EVC: variants seen among roughly 807,000 people sequenced by gnomAD.
EVC encodes evC complex member EVC.
Under a neutral mutation model 118.9 loss-of-function variants are expected in EVC, and 116 were observed. That is an observed-to-expected ratio of 0.98 (90% CI 0.84 to 1.14). The LOEUF (loss-of-function observed/expected upper bound fraction) is 1.14. EVC is among the 50% of genes most tolerant of loss of function. EVC has a pLI of 0.00. For synonymous variants in EVC, 619 were observed against 534.7 expected (o/e 1.16, Z -2.18); for missense variants, 1,401 against 1,246.4 (o/e 1.12, Z -1.87).
At chr4:5,777,899 A>C (rs1734950368) in intron 11 of EVC, among the ~76,000 whole-genome samples, 1 of 152,062 alleles carries the variant, frequency 6.6e-6, no homozygotes, top group Non-Finnish European at 1.5e-5. Context: ...CAGGTTAGTT[A>C]CGTATGGATA....
intron 15 of EVC, among the ~76,000 whole-genome samples, chr4:5,800,154 G>A (rs912258531): frequency 6.6e-6 from 1 of 152,156 alleles, no homozygotes; most frequent in Non-Finnish European, 1.5e-5. Flanking sequence ...AGACCAGCCT[G>A]GCCAACACAG....
At chr4:5,733,573 C>T (rs1016654528) in intron 5 of EVC, 138 bp downstream of exon 5, 42 of 826,572 alleles carry the variant, frequency 5.1e-5, no homozygotes, top group African/African-American at 2.2e-4. Flanking sequence ...TGGGGGAAAG[C>T]GGCGCTGTCA....
At chr4:5,723,234 G>C (rs1488737235) in intron 2 of EVC, among the ~76,000 whole-genome samples, 2 of 147,752 alleles carry the variant, frequency 1.4e-5, no homozygotes, top group African/African-American at 2.6e-5. Context: ...CTGTTGTCCA[G>C]TCTGGAGTGC....
chr4:5,737,839 A>G lies in EVC; in HGVS notation c.703-3877A>G, dbSNP rs538877564. ...TGTCATTTTCATGCCTGCTAACACA[A>G]CATTCATTCTGAGCCTATTGATTAA... On this transcript the variant is annotated intron_variant, in intron 5 of 20. Coordinates refer to ENST00000264956, the MANE Select transcript of EVC (RefSeq NM_153717.3). This position sits in a 1 kb window ranked among gnomAD's most constrained non-coding sequence, Gnocchi z 5.0. Among the ~76,000 whole-genome samples the G allele has an allele frequency of 6.6e-6, 1 of 152,216 alleles. No homozygotes were observed. The highest frequency in any genetic ancestry group is 2.4e-5 in the African/African-American group (1 of 41,460).
At chr4:5,827,071 C>T in the EVC span, among the ~76,000 whole-genome samples, 688 of 152,338 alleles carry the variant, frequency 4.5e-3, 3 homozygotes, top group Non-Finnish European at 6.7e-3. Context: ...CTCTCCTTCA[C>T]CTGGTCTAGC....
chr4:5,776,498 C>G (rs1734738084), intron 11 of EVC, among the ~76,000 whole-genome samples: 1 of 152,158 alleles, frequency 6.6e-6, no homozygotes, highest in Admixed American at 6.5e-5. Context: ...GATTTAACTT[C>G]TCTTTTACAT....
intron 1 of EVC, among the ~76,000 whole-genome samples, chr4:5,714,328 T>G (rs1723579885): frequency 6.6e-6 from 1 of 152,240 alleles, no homozygotes; most frequent in African/African-American, 2.4e-5. Context: ...CCTGTTTTAT[T>G]TACATCAAAG....
rs908489870 is a variant in EVC at position 5,738,496 on chromosome 4, C to G, written c.703-3220C>G. Among the ~76,000 whole-genome samples the G allele has an allele frequency of 1.3e-5, 2 of 152,058 alleles. No homozygotes were observed. Among genetic ancestry groups the G allele is most frequent in the African/African-American group, 4.8e-5 (2 of 41,418 alleles). On this transcript the variant is annotated intron_variant, in intron 5 of 20. Transcript: ENST00000264956. This position sits in a 1 kb window ranked among gnomAD's most constrained non-coding sequence, Gnocchi z 6.5. ...CTGATGTGGCCCACTTCAGAGTGGT[C>G]TTATTTTAAGAAACTGCCACAGCCA...
At chr4:5,744,968 G>GTT (rs112283154) in intron 6 of EVC, among the ~76,000 whole-genome samples, 12 of 139,904 alleles carry the variant, frequency 8.6e-5, no homozygotes, top group Non-Finnish European at 1.2e-4. Flanking sequence ...GTATGGTCTA[G>GTT]TTTTTTTTTT....
chr4:5,803,371 A>G (rs548041808), intron 16 of EVC, among the ~76,000 whole-genome samples: 1 of 152,310 alleles, frequency 6.6e-6, no homozygotes, highest in Admixed American at 6.5e-5. Flanking sequence ...GATTCAAATA[A>G]AATCGGGGCA....
intron 2 of EVC, among the ~76,000 whole-genome samples, chr4:5,725,448 T>G (rs907296081): frequency 3.9e-5 from 6 of 152,246 alleles, no homozygotes; most frequent in African/African-American, 1.4e-4. Flanking sequence ...TCATTGTGGT[T>G]TTGATTTGCA....
At chr4:5,730,909 CGTGGTGTG>C (rs55984709) in intron 3 of EVC, among the ~76,000 whole-genome samples, 22,464 of 135,984 alleles carry the variant, frequency 0.17, 1,933 homozygotes, top group African/African-American at 0.26. Flanking sequence ...CTCCTGTGGG[CGTGGTGTG>C]CATGGTGTGC....
rs2152035950 is a variant in EVC at position 5,746,672 on chromosome 4, T to A, written c.939+1331T>A. On this transcript the variant is annotated intron_variant, in intron 7 of 20. Transcript: ENST00000264956. This position sits in a 1 kb window ranked among gnomAD's most constrained non-coding sequence, Gnocchi z 5.8. ...CTGTGTGCAGTATCTTGTCCATGTCTGCCTTTCTCAGGGACAGGGTTCAGA... is the reference window on the plus strand; with the variant it reads ...CTGTGTGCAGTATCTTGTCCATGTCAGCCTTTCTCAGGGACAGGGTTCAGA... Among the ~76,000 whole-genome samples, 1 of 152,272 alleles carries A rather than the reference T, an allele frequency of 6.6e-6. No individual in the cohort carries two copies. Among genetic ancestry groups the A allele is most frequent in the Admixed American group, 6.5e-5 (1 of 15,302 alleles).
chr4:5,804,903 C>G, intron 17 of EVC, 62 bp downstream of exon 17: 1 of 1,416,204 alleles, frequency 7.1e-7, no homozygotes, highest in Non-Finnish European at 9.9e-7. Context: ...TGGCATATCT[C>G]TCTGTGGTGC....
At chr4:5,827,682 G>T in the EVC span, among the ~76,000 whole-genome samples, 1 of 151,536 alleles carries the variant, frequency 6.6e-6, no homozygotes, top group African/African-American at 2.4e-5. Context: ...ACACGTGCAT[G>T]CATGTACACA....
chr4:5,821,657 C>CCAT, the EVC span: 1 of 1,076,376 alleles, frequency 9.3e-7, no homozygotes, highest in Admixed American at 2.3e-5. The surrounding 1 kb of genome is among the most constrained non-coding windows in gnomAD (Gnocchi z 4.4). Context: ...CCCCCTCCCT[C>CCAT]CATCAGCACC....
intron 11 of EVC, among the ~76,000 whole-genome samples, chr4:5,764,085 T>C (rs1206097579): frequency 6.8e-6 from 1 of 146,492 alleles, no homozygotes; most frequent in Non-Finnish European, 1.5e-5. Flanking sequence ...CATCAATACC[T>C]AATTTCTTGA....
At chr4:5,804,346 T>C (rs1715509962) in intron 16 of EVC, among the ~76,000 whole-genome samples, 1 of 152,248 alleles carries the variant, frequency 6.6e-6, no homozygotes, top group African/African-American at 2.4e-5. Flanking sequence ...CCAGACTTCC[T>C]AGCTCCTTGG....
rs912045135 is a variant in EVC at position 5,746,121 on chromosome 4, G to A, written c.939+780G>A. ...TGAGAGCAAGTCGAGGTAAGGTAAA[G>A]CCAGAGGGATCTGGCCAGAGGGCTT... On this transcript the variant is annotated intron_variant, in intron 7 of 20. Transcript: ENST00000264956. This position sits in a 1 kb window ranked among gnomAD's most constrained non-coding sequence, Gnocchi z 5.8. Among the ~76,000 whole-genome samples, 1 of 147,386 alleles carries A rather than the reference G, an allele frequency of 6.8e-6. No individual in the cohort carries two copies. Among genetic ancestry groups the A allele is most frequent in the Non-Finnish European group, 1.5e-5 (1 of 66,574 alleles).
Sources: allele counts gnomAD v4.1 joint callset (sites outside exome capture counted in the v4.1 genomes callset), GRCh38; gene constraint gnomAD v4.1.1; non-coding constraint Gnocchi (gnomAD v3.1); transcripts MANE v1.5; gene names NCBI Gene and HGNC (gene_info 2026-07-23, HGNC 2026-07-21).